FREM1: variants seen among roughly 807,000 people sequenced by gnomAD.
The protein encoded by FREM1 is FRAS1-related extracellular matrix protein 1.
A neutral mutation model predicts 210.1 loss-of-function variants in FREM1; 220 were observed. The observed-to-expected ratio is 1.05, with a 90% CI of 0.94 to 1.17. The LOEUF (loss-of-function observed/expected upper bound fraction) is 1.17. FREM1 is among the 50% of genes most tolerant of loss of function. The probability of loss-of-function intolerance (pLI) is 0.00; values close to 1 mark genes in which losing one functional copy is unlikely to be tolerated. For missense variants in FREM1, 3,454 were observed against 2,675.5 expected, an observed-to-expected ratio of 1.29 and a Z score of -6.42; for synonymous variants, 1,189 against 980.2, an observed-to-expected ratio of 1.21 and a Z score of -3.98.
At chr9:14,776,282 A>C in intron 24 of FREM1, 79 bp from the exon 25 acceptor site, 1 of 1,413,890 alleles carries the variant, frequency 7.1e-7, no homozygotes, top group Non-Finnish European at 9.4e-7. Context: ...AACAATACAC[A>C]CCTTTACTAA....
chr9:14,740,153 C>A lies in FREM1; in HGVS notation c.6336G>T (p.Trp2112Cys), dbSNP rs775743912. 7 of 1,610,746 alleles carry A rather than the reference C, an allele frequency of 4.3e-6. No homozygotes were observed. The highest frequency in any genetic ancestry group is 3.3e-5 in the Admixed American group (2 of 59,890). ...GCCTCCCTCCCAGATACTTGCCTAT[C>A]CAAAAGGACTTTCTCCCACCAATGT... ...LWDIGGRKSFWIGLNDQVHAG... is the reference protein window; with the variant it reads ...LWDIGGRKSFCIGLNDQVHAG... The change falls in exon 36 of 37, where the codon TGG becomes TGT. Residue 2112 changes from tryptophan (W) to cysteine (C), a missense_variant. Trp to Cys is a radical substitution (Grantham distance 215). Coordinates refer to ENST00000380880, the MANE Select transcript of FREM1 (RefSeq NM_001379081.2).
intron 36 of FREM1, among the ~76,000 whole-genome samples, chr9:14,739,336 T>G (rs1238915392): frequency 6.6e-6 from 1 of 151,222 alleles, no homozygotes; most frequent in Non-Finnish European, 1.5e-5. Context: ...AATCCTGGGC[T>G]CAAGCAATCC....
At chr9:14,829,142 T>A (rs868640601) in intron 10 of FREM1, among the ~76,000 whole-genome samples, 6 of 152,184 alleles carry the variant, frequency 3.9e-5, no homozygotes, top group African/African-American at 1.4e-4. Flanking sequence ...AGGCACTTTA[T>A]TAATGTTTGC....
intron 36 of FREM1, among the ~76,000 whole-genome samples, chr9:14,739,506 A>C (rs945076945): frequency 1.1e-4 from 15 of 142,358 alleles, no homozygotes; most frequent in African/African-American, 3.7e-4. Flanking sequence ...TATATATATG[A>C]ATATATGTAT....
intron 24 of FREM1, among the ~76,000 whole-genome samples, chr9:14,778,585 G>C (rs564304321): frequency 7.3e-6 from 1 of 137,542 alleles, no homozygotes; most frequent in South Asian, 2.5e-4. Context: ...TCCAGCCTGG[G>C]CAACAGACAG....
chr9:14,894,772 T>C (rs1837415836), intron 1 of FREM1, among the ~76,000 whole-genome samples: 1 of 152,224 alleles, frequency 6.6e-6, no homozygotes, highest in Non-Finnish European at 1.5e-5. Flanking sequence ...TTTGCCAGAA[T>C]TTGGAAACTA....
At chr9:14,891,229 T>C (rs927857425) in intron 1 of FREM1, among the ~76,000 whole-genome samples, 1 of 152,258 alleles carries the variant, frequency 6.6e-6, no homozygotes, top group African/African-American at 2.4e-5. Flanking sequence ...TTGAGACCAA[T>C]TCAATTTTCA....
chr9:14,795,624 T>C (rs1852227212), intron 21 of FREM1, among the ~76,000 whole-genome samples: 1 of 152,202 alleles, frequency 6.6e-6, no homozygotes, highest in African/African-American at 2.4e-5. Context: ...TTGATGATTC[T>C]GTAGATGTAG....
chr9:14,837,035 G>A (rs534615559), intron 10 of FREM1, among the ~76,000 whole-genome samples: 15 of 152,224 alleles, frequency 9.9e-5, no homozygotes, highest in Non-Finnish European at 1.6e-4. Flanking sequence ...TGCAAATGCC[G>A]GCCATTAGAA....
intron 29 of FREM1, among the ~76,000 whole-genome samples, chr9:14,755,478 AT>A (rs985446097): frequency 3.3e-5 from 5 of 152,214 alleles, no homozygotes; most frequent in Non-Finnish European, 5.9e-5. Flanking sequence ...GGCCCATTGT[AT>A]TTGCCACTCC....
At chr9:14,910,521 A>G, upstream of FREM1, 1 of 152,936 alleles carries the variant, frequency 6.5e-6, no homozygotes, top group Non-Finnish European at 1.5e-5. Flanking sequence ...ACACATTCAC[A>G]AATGGGCACA....
intron 1 of FREM1, among the ~76,000 whole-genome samples, chr9:14,903,160 T>A (rs938250869): frequency 1.8e-4 from 27 of 152,194 alleles, no homozygotes; most frequent in African/African-American, 6.5e-4. Context: ...AGTAAAGTCA[T>A]TTTTATAAAA....
At chr9:14,856,598 G>C (rs1828776081) in intron 5 of FREM1, among the ~76,000 whole-genome samples, 1 of 152,012 alleles carries the variant, frequency 6.6e-6, no homozygotes, top group Non-Finnish European at 1.5e-5. Context: ...CTTTGGGAGG[G>C]TGAGGCAGGT....
chr9:14,806,547 C>G lies in FREM1; in HGVS notation c.3274+114G>C. On this transcript the variant is annotated intron_variant, in intron 18 of 36. Coordinates refer to ENST00000380880, the MANE Select transcript of FREM1 (RefSeq NM_001379081.2). ...GGGATTACAGGCATCAGCCACCACG[C>G]CCGGTGCTTTAAACATTTTGAAAGT... 4 of 691,274 alleles carry G rather than the reference C, an allele frequency of 5.8e-6. No homozygotes were observed. In the South Asian group the frequency reaches 7.1e-5, roughly 12 times the overall value. The allele number at this position is 691,274 out of a possible 1,614,324, so 42.8% of individuals were successfully genotyped here. A position where few individuals can be genotyped will look rare whatever the true frequency, so the allele number is the denominator to read the frequency against.
intron 1 of FREM1, among the ~76,000 whole-genome samples, chr9:14,884,567 T>C (rs8181160): frequency 0.4 from 60,579 of 152,038 alleles, 12,386 homozygotes; most frequent in East Asian, 0.64. Context: ...AAGAAAATAA[T>C]TTAGTAACAT....
At chr9:14,862,002 C>T (rs559707499) in intron 3 of FREM1, among the ~76,000 whole-genome samples, 12 of 152,338 alleles carry the variant, frequency 7.9e-5, no homozygotes, top group African/African-American at 1.7e-4. Context: ...ACCCGCTCCG[C>T]GCAAGTTCTT....
chr9:14,840,025 C>G (rs1825369598), intron 10 of FREM1, among the ~76,000 whole-genome samples: 1 of 152,208 alleles, frequency 6.6e-6, no homozygotes, highest in African/African-American at 2.4e-5. Flanking sequence ...CATTCATTCT[C>G]TATTCCTTCT....
Position 14,801,698 on chromosome 9 carries a change from C to G in FREM1, c.3648G>C (p.Gln1216His). 2 of 1,613,984 alleles carry G rather than the reference C, an allele frequency of 1.2e-6. No homozygotes were observed. The highest frequency in any genetic ancestry group is 1.7e-6 in the Non-Finnish European group (2 of 1,179,880). Residue 1216 changes from glutamine to histidine, a missense_variant, in exon 20 of 37, where the codon CAG becomes CAC. Transcript: ENST00000380880. ...AAAAGCTGTGAACAGGTGCATGTTTCTGGTGAGGGTTGGCTGGCTGCTTAT... is the reference window on the plus strand; with the variant it reads ...AAAAGCTGTGAACAGGTGCATGTTTGTGGTGAGGGTTGGCTGGCTGCTTAT... ...SENKQPANPH[Q>H]KHAPVHSFSM...
chr9:14,902,824 G>C (rs1202516415), intron 1 of FREM1, among the ~76,000 whole-genome samples: 1 of 152,094 alleles, frequency 6.6e-6, no homozygotes, highest in Non-Finnish European at 1.5e-5. Context: ...TTTTAAATGG[G>C]GGTTTATGTG....
Sources: gnomAD v4.1 joint callset for allele counts (sites outside exome capture counted in the v4.1 genomes callset) on GRCh38, gnomAD v4.1.1 for gene constraint, MANE v1.5 for transcripts, NCBI Gene and HGNC (gene_info 2026-07-23, HGNC 2026-07-21) for gene names.